Variants in POLB observed in about 807,000 individuals in gnomAD.
The protein encoded by POLB is DNA polymerase beta, also known as 5'-dRP lyase.
POLB carries 37 observed loss-of-function variants against 52.7 expected under a neutral mutation model. The ratio of observed to expected loss-of-function variants is 0.70; its 90% CI spans 0.54 to 0.92. The LOEUF is 0.92. POLB is among the 40% of genes least tolerant of loss of function. The probability of loss-of-function intolerance (pLI) is 0.00; values close to 1 mark genes in which losing one functional copy is unlikely to be tolerated. For synonymous variants in POLB, 138 were observed against 131.3 expected, an observed-to-expected ratio of 1.05 and a Z score of -0.35; for missense variants, 313 against 400.8, an observed-to-expected ratio of 0.78 and a Z score of 1.87.
intron 3 of POLB, 127 bp downstream of exon 3, chr8:42,345,146 T>G: frequency 1.5e-6 from 1 of 648,862 alleles, no homozygotes; most frequent in East Asian, 2.6e-5. Context: ...ACTCCTGATT[T>G]CTTGGAATAA....
intron 1 of POLB, 109 bp from the exon 2 acceptor site, chr8:42,338,903 G>A: frequency 9.5e-7 from 1 of 1,052,306 alleles, no homozygotes; most frequent in Admixed American, 1.8e-5. Flanking sequence ...GCCCTTGGAG[G>A]AAACGGGTGG....
chr8:42,352,394 G>A (rs1407006709), intron 5 of POLB, 125 bp from the exon 6 acceptor site: 1 of 710,314 alleles, frequency 1.4e-6, no homozygotes, highest in Non-Finnish European at 2.6e-6. Flanking sequence ...CATTACCAAA[G>A]TAGCCATGCA....
intron 2 of POLB, chr8:42,342,174 T>G (rs2130773492): frequency 6.5e-7 from 1 of 1,542,838 alleles, no homozygotes; most frequent in Middle Eastern, 2.3e-4. Flanking sequence ...TTATTGCCAG[T>G]GGTAGTTCTG....
At chr8:42,362,152 C>G (rs1189649980) in intron 10 of POLB, among the ~76,000 whole-genome samples, 2 of 151,818 alleles carry the variant, frequency 1.3e-5, no homozygotes, top group Admixed American at 6.6e-5. Flanking sequence ...CCCAGCTACT[C>G]GGGAGGCTGA....
At chr8:42,352,345 AT>A (rs1823027322) in intron 5 of POLB, among the ~76,000 whole-genome samples, 173 bp from the exon 6 acceptor site, 1 of 152,222 alleles carries the variant, frequency 6.6e-6, no homozygotes, top group Non-Finnish European at 1.5e-5. Flanking sequence ...CTTCCTAATG[AT>A]TGAAGCTTCA....
intron 5 of POLB, among the ~76,000 whole-genome samples, chr8:42,351,468 C>T (rs962112617): frequency 6.6e-5 from 10 of 152,206 alleles, no homozygotes; most frequent in Non-Finnish European, 1.2e-4. Context: ...TCTTTCTGTT[C>T]ACCGCTCCTG....
In POLB at chr8:42,338,494, A is replaced by C; in HGVS notation, c.-131A>C. 2 of 720,654 alleles carry C rather than the reference A, an allele frequency of 2.8e-6. No homozygotes were observed. Among genetic ancestry groups the C allele is most frequent in the Non-Finnish European group, 2.4e-6 (1 of 413,614 alleles). 44.6% of individuals were successfully genotyped at this position (720,654 alleles called of 1,614,324 possible). A position where few individuals can be genotyped will look rare whatever the true frequency, so the allele number is the denominator to read the frequency against. ...GCCCCGCCCCCCATCGGGGGCAACCATTGTTCCGCCGGTCGCGCCGGAGCT... is the reference window on the plus strand; with the variant it reads ...GCCCCGCCCCCCATCGGGGGCAACCCTTGTTCCGCCGGTCGCGCCGGAGCT... On this transcript the variant is annotated 5_prime_UTR_variant, in exon 1 of 14. Coordinates refer to ENST00000265421, the MANE Select transcript of POLB (RefSeq NM_002690.3).
At chr8:42,356,982 G>T (rs1823353646) in intron 7 of POLB, among the ~76,000 whole-genome samples, 187 bp from the exon 8 acceptor site, 1 of 152,006 alleles carries the variant, frequency 6.6e-6, no homozygotes, top group African/African-American at 2.4e-5. Context: ...TCCAGTTTAG[G>T]AATAAACCTC....
intron 2 of POLB, chr8:42,342,127 AG>A: frequency 7.4e-7 from 1 of 1,350,480 alleles, no homozygotes. Flanking sequence ...TGGTACTTTG[AG>A]GGATAGACAA....
intron 11 of POLB, 54 bp from the exon 12 acceptor site, chr8:42,369,217 A>C (rs1316253778): frequency 1.9e-6 from 2 of 1,069,634 alleles, no homozygotes; most frequent in East Asian, 4.8e-5. Flanking sequence ...CTTGATTAAA[A>C]TTAAGCCTTA....
intron 11 of POLB, among the ~76,000 whole-genome samples, chr8:42,366,517 T>C (rs1824048246): frequency 6.6e-6 from 1 of 152,234 alleles, no homozygotes; most frequent in Non-Finnish European, 1.5e-5. Flanking sequence ...TTGGATGTTA[T>C]ACCTGTGGTT....
chr8:42,368,672 A>T (rs1824190017), intron 11 of POLB, among the ~76,000 whole-genome samples: 1 of 152,186 alleles, frequency 6.6e-6, no homozygotes, highest in Admixed American at 6.5e-5. Flanking sequence ...TGAAGGAAGA[A>T]AGTGATCCCC....
At chr8:42,363,921 C>T (rs919050614) in intron 11 of POLB, among the ~76,000 whole-genome samples, 2 of 144,404 alleles carry the variant, frequency 1.4e-5, no homozygotes, top group Non-Finnish European at 3.0e-5. Context: ...TCTAGAATTA[C>T]GATTCTTTTT....
intron 3 of POLB, 42 bp downstream of exon 3, chr8:42,345,061 C>T (rs1563391661): frequency 7.0e-7 from 1 of 1,426,638 alleles, no homozygotes; most frequent in Non-Finnish European, 9.9e-7. Context: ...TCACACGTGT[C>T]CAAATTTGGT....
At chr8:42,344,130 G>A (rs193178641) in intron 2 of POLB, among the ~76,000 whole-genome samples, 1 of 49,958 alleles carries the variant, frequency 2.0e-5, no homozygotes, top group African/African-American at 7.9e-5. Flanking sequence ...GCGAGACTCC[G>A]TCTCAAAAAA....
intron 2 of POLB, among the ~76,000 whole-genome samples, chr8:42,343,463 G>A (rs1277314888): frequency 6.9e-6 from 1 of 145,840 alleles, no homozygotes; most frequent in Non-Finnish European, 1.5e-5. Flanking sequence ...GGAGGCAGAG[G>A]CTACAGTGAG....
rs115217220 is a variant in POLB at position 42,368,088 on chromosome 8, C to A, written c.709-1183C>A. The stretch of plus-strand genomic sequence containing the variant: ...GAGAAATTCTTTAATATTAGCACTT[C>A]AGAAAAAGTGCAGGAAATAAAATTA... On this transcript the variant is annotated intron_variant, in intron 11 of 13. Transcript: ENST00000265421. Among the ~76,000 whole-genome samples, 393 of 152,260 alleles carry A rather than the reference C, an allele frequency of 2.6e-3. 4 individuals carry two copies. The highest frequency in any genetic ancestry group is 9.1e-3 in the African/African-American group (379 of 41,546).
intron 3 of POLB, among the ~76,000 whole-genome samples, chr8:42,347,762 G>A (rs1468662839): frequency 6.6e-6 from 1 of 152,020 alleles, no homozygotes; most frequent in Non-Finnish European, 1.5e-5. Context: ...TAAATCTTTT[G>A]TTCATTTCTA....
intron 12 of POLB, 104 bp downstream of exon 12, chr8:42,369,439 T>C: frequency 1.5e-6 from 1 of 664,276 alleles, no homozygotes; most frequent in South Asian, 2.0e-5. Context: ...CTAGAGCCTT[T>C]TTTTACTCCC....
Sources: allele counts gnomAD v4.1 joint callset (sites outside exome capture counted in the v4.1 genomes callset), GRCh38; gene constraint gnomAD v4.1.1; transcripts MANE v1.5; gene names NCBI Gene and HGNC (gene_info 2026-07-23, HGNC 2026-07-21).